SYT3: variants seen among roughly 807,000 people sequenced by gnomAD.
The protein encoded by SYT3 is synaptotagmin 3, also known as synaptotagmin-3.
In SYT3, 25 loss-of-function variants were observed where a neutral mutation model predicts 50.6. That is an observed-to-expected ratio of 0.49 (90% CI 0.36 to 0.69). The LOEUF is 0.69. Ranked by LOEUF, SYT3 falls within the 30% of genes least tolerant of loss-of-function variation. SYT3 has a pLI of 0.00. For missense variants in SYT3, 589 were observed against 793.6 expected, an observed-to-expected ratio of 0.74 and a Z score of 3.10; for synonymous variants, 323 against 353.9, an observed-to-expected ratio of 0.91 and a Z score of 0.98.
chr19:50,625,622 G>C lies in SYT3; in HGVS notation c.1403-58C>G. 6.6e-7 allele frequency: 1 copy of C among 1,506,422 alleles called. No individual in the cohort carries two copies. The highest frequency in any genetic ancestry group is 8.8e-7 in the Non-Finnish European group (1 of 1,130,454). 93.3% of individuals were successfully genotyped at this position (1,506,422 alleles called of 1,614,324 possible). ...TCACTCCCTCAGACCTAGGGGTCCA[G>C]GACCCCAGGCCCCGAGCCCCTCCTC... On this transcript the variant is annotated intron_variant, in intron 7 of 10. Transcript: ENST00000600079. The surrounding 1 kb of genome is among the most constrained non-coding windows in gnomAD (Gnocchi z 7.5).
chr19:50,630,163 G>A lies in SYT3; in HGVS notation c.683C>T (p.Ala228Val), dbSNP rs577362591. The A allele has an allele frequency of 1.2e-5, 18 of 1,554,936 alleles. No individual in the cohort carries two copies. The African/African-American group carries it at 1.9e-4, about 16-fold the overall frequency. The change falls in exon 5 of 11, where the codon GCC (alanine) becomes GTC (valine). Residue 228 changes from alanine (A) to valine (V), a missense_variant. Ala to Val is a moderately conservative substitution (Grantham distance 64). Around this residue, in one of 2 missense-constraint regions of SYT3, gnomAD observed 316 missense variants for 354.3 expected, o/e 0.89. Transcript: ENST00000600079. ...CTGCTGGGTGAGGGGTCGGGGCAGG[G>A]CTGGGTACCTGTAGGGGGTTGGGGG... Reference protein sequence around the residue: ...TSLAPTTRYPALPRPLTQQTL... With the variant: ...TSLAPTTRYPVLPRPLTQQTL...
the SYT3 span, among the ~76,000 whole-genome samples, chr19:50,654,234 C>G: frequency 6.6e-6 from 1 of 152,108 alleles, no homozygotes; most frequent in Non-Finnish European, 1.5e-5. Flanking sequence ...TATTTCTTTT[C>G]TTTTCTCCCT....
intron 4 of SYT3, 120 bp from the exon 5 acceptor site, chr19:50,630,291 T>G: frequency 9.8e-7 from 1 of 1,024,972 alleles, no homozygotes; most frequent in Non-Finnish European, 1.4e-6. Context: ...TGGCCACAAG[T>G]CCCCTCCTTT....
At position 50,637,378 on chromosome 19, in the gene SYT3, G is replaced by A. The variant is rs746751712; in HGVS notation, c.34C>T (p.Arg12Trp). 8 of 1,608,910 alleles carry A rather than the reference G, an allele frequency of 5.0e-6. No individual in the cohort carries two copies. The highest frequency in any genetic ancestry group is 1.3e-5 in the African/African-American group (1 of 74,978). Reference protein sequence around the residue: ...SGDYEDDLCRRALILVSDLCA... With the variant: ...SGDYEDDLCRWALILVSDLCA... ...AGGTCCGAGACCAGGATGAGTGCCC[G>A]CCGGCAGAGGTCATCCTCGTAGTCT... The change falls in exon 3 of 11, where the codon CGG becomes TGG. Residue 12 changes from arginine to tryptophan, a missense_variant. Coordinates refer to ENST00000600079, the MANE Select transcript of SYT3 (RefSeq NM_001160329.2). This position sits in a 1 kb window ranked among gnomAD's most constrained non-coding sequence, Gnocchi z 4.9.
Position 50,639,168 on chromosome 19 carries a change from G to T in SYT3, c.-153-6C>A, listed in dbSNP as rs539933963. 1 of 152,302 alleles carries T rather than the reference G, an allele frequency of 6.6e-6. No individual in the cohort carries two copies. The highest frequency in any genetic ancestry group is 1.9e-4 in the East Asian group (1 of 5,184). The allele number at this position is 152,302 out of a possible 1,614,324, so 9.4% of individuals were successfully genotyped here. ...GAGAATGTCTGATCTAGGGGCTGAGGCCGGGAGAAAAAGCTCAGCTTAACA... is the reference window on the plus strand; with the variant it reads ...GAGAATGTCTGATCTAGGGGCTGAGTCCGGGAGAAAAAGCTCAGCTTAACA... On this transcript the variant is annotated splice_region_variant and splice_polypyrimidine_tract_variant and intron_variant, in intron 1 of 10. Coordinates refer to ENST00000600079, the MANE Select transcript of SYT3 (RefSeq NM_001160329.2). The surrounding 1 kb of genome is among the most constrained non-coding windows in gnomAD (Gnocchi z 4.6).
At chr19:50,653,709 C>G in the SYT3 span, among the ~76,000 whole-genome samples, 1 of 150,368 alleles carries the variant, frequency 6.7e-6, no homozygotes, top group African/African-American at 2.4e-5. Flanking sequence ...CACACACACA[C>G]ACACACACAC....
At position 50,623,857 on chromosome 19, in the gene SYT3, CA is replaced by C. The variant is rs1300647776; in HGVS notation, c.1708-1103del. Among the ~76,000 whole-genome samples the C allele has an allele frequency of 2.0e-5, 3 of 149,652 alleles. No homozygotes were observed. In the East Asian group the frequency reaches 5.8e-4, roughly 29 times the overall value. The stretch of plus-strand genomic sequence containing the variant: ...ATTTTAAAAAAAATCAAAATTAATG[CA>C]AAAAAATCAATGATGAAGAAAATAT... On this transcript the variant is annotated intron_variant, in intron 9 of 10. Transcript: ENST00000600079.
At chr19:50,654,372 G>A in the SYT3 span, among the ~76,000 whole-genome samples, 3 of 151,854 alleles carry the variant, frequency 2.0e-5, no homozygotes, top group Non-Finnish European at 4.4e-5. Context: ...GCGCAATCTT[G>A]GCTCACTGCA....
chr19:50,652,021 T>C, the SYT3 span, among the ~76,000 whole-genome samples: 1 of 152,166 alleles, frequency 6.6e-6, no homozygotes, highest in Non-Finnish European at 1.5e-5. Flanking sequence ...ACTCACTTTG[T>C]AACCTAGGCT....
In SYT3 at chr19:50,632,228, A is replaced by G; in HGVS notation, c.674+58T>C. On this transcript the variant is annotated intron_variant, in intron 4 of 10. Transcript: ENST00000600079. This position sits in a 1 kb window ranked among gnomAD's most constrained non-coding sequence, Gnocchi z 4.7. ...CTCATAAGAGCTATAGATAGGAAAG[A>G]GACACAGAGGAGGAGCAGAAGTTCA... 1 of 1,488,442 alleles carries G rather than the reference A, an allele frequency of 6.7e-7. No homozygotes were observed. The highest frequency in any genetic ancestry group is 1.3e-5 in the South Asian group (1 of 74,144). The allele number at this position is 1,488,442 out of a possible 1,614,324, so 92.2% of individuals were successfully genotyped here. A position where few individuals can be genotyped will look rare whatever the true frequency, so the allele number is the denominator to read the frequency against.
At chr19:50,635,725 C>T (rs968817234) in intron 3 of SYT3, among the ~76,000 whole-genome samples, 3 of 152,266 alleles carry the variant, frequency 2.0e-5, no homozygotes. Context: ...ATGAGGCCGA[C>T]CCCCAATAAA....
At chr19:50,635,193 C>T (rs940846098) in intron 3 of SYT3, among the ~76,000 whole-genome samples, 1 of 151,952 alleles carries the variant, frequency 6.6e-6, no homozygotes, top group African/African-American at 2.4e-5. Flanking sequence ...CAGGTGTGAG[C>T]CACCACACCT....
At chr19:50,626,044 A>AT in intron 6 of SYT3, 27 bp from the exon 7 acceptor site, 1 of 1,608,934 alleles carries the variant, frequency 6.2e-7, no homozygotes, top group South Asian at 1.1e-5. Flanking sequence ...GGTCAGCGAT[A>AT]TCTTGCCTCA....
At position 50,625,464 on chromosome 19, in the gene SYT3, C is replaced by A; in HGVS notation, c.1503G>T (p.Ala501=). ...KNTLNPTYNE[A]LVFDVAPESV... is the part of the protein sequence containing the mutation. ...TCTCGGGGGCCACGTCGAACACCAG[C>A]GCCTCATTATAGGTGGGGTTCAGCG... Residue 501 remains alanine (A), a synonymous_variant, in exon 8 of 11, where the codon GCG becomes GCT. Coordinates refer to ENST00000600079, the MANE Select transcript of SYT3 (RefSeq NM_001160329.2). The surrounding 1 kb of genome is among the most constrained non-coding windows in gnomAD (Gnocchi z 7.5). 2 of 1,599,614 alleles carry A rather than the reference C, an allele frequency of 1.3e-6. No individual in the cohort carries two copies. The highest frequency in any genetic ancestry group is 1.7e-6 in the Non-Finnish European group (2 of 1,173,338).
At chr19:50,654,070 C>A in the SYT3 span, among the ~76,000 whole-genome samples, 7 of 151,980 alleles carry the variant, frequency 4.6e-5, no homozygotes, top group African/African-American at 1.7e-4. Flanking sequence ...CCATCACGGT[C>A]ACAGAGTGGC....
At chr19:50,623,447 G>A (rs989813896) in intron 9 of SYT3, among the ~76,000 whole-genome samples, 2 of 152,112 alleles carry the variant, frequency 1.3e-5, no homozygotes, top group Admixed American at 6.5e-5. Context: ...AAATGTAAAT[G>A]TGTGCCCCAA....
chr19:50,646,275 G>A, the SYT3 span, among the ~76,000 whole-genome samples: 21,832 of 152,162 alleles, frequency 0.14, 1,780 homozygotes, highest in South Asian at 0.18. Flanking sequence ...TCAGAGAGGG[G>A]AAGACATTTG....
At position 50,622,695 on chromosome 19, in the gene SYT3, C is replaced by T. The variant is rs760966257; in HGVS notation, c.1768G>A (p.Glu590Lys). The change falls in exon 10 of 11, where the codon GAG becomes AAG. Residue 590 changes from glutamate to lysine, a missense_variant. Coordinates refer to ENST00000600079, the MANE Select transcript of SYT3 (RefSeq NM_001160329.2). ...SKGLSEKENS[E>K] is the part of the protein sequence containing the mutation. ...GTGGCCAGGCTGCTTACCCCTCACT[C>T]GGAGTTCTCTTTCTCTGATAGTCCT... is the stretch of plus-strand genomic sequence containing the variant. The T allele has an allele frequency of 2.8e-5, 30 of 1,067,032 alleles. No individual in the cohort carries two copies. Among genetic ancestry groups the T allele is most frequent in the Non-Finnish European group, 3.7e-5 (25 of 684,332 alleles). 66.1% of individuals were successfully genotyped at this position (1,067,032 alleles called of 1,614,324 possible).
chr19:50,628,634 G>T (rs148883691), intron 6 of SYT3, among the ~76,000 whole-genome samples: 2 of 152,186 alleles, frequency 1.3e-5, no homozygotes, highest in South Asian at 4.1e-4. Context: ...GCTTCCAGAA[G>T]TCCAGTCATT....
Sources: gnomAD v4.1 joint callset for allele counts (sites outside exome capture counted in the v4.1 genomes callset) on GRCh38, gnomAD v4.1.1 for gene constraint, gnomAD v4.1.1 regional missense constraint, Gnocchi (gnomAD v3.1) non-coding constraint, MANE v1.5 for transcripts, NCBI Gene and HGNC (gene_info 2026-07-23, HGNC 2026-07-21) for gene names.